Variants in CSMD1 observed in about 807,000 individuals in gnomAD.
The protein encoded by CSMD1 is CUB and sushi domain-containing protein 1.
In CSMD1, 213 loss-of-function variants were observed where a neutral mutation model predicts 417.5. That is an observed-to-expected ratio of 0.51 (90% CI 0.46 to 0.57). The LOEUF (loss-of-function observed/expected upper bound fraction) is 0.57. CSMD1 is among the 20% of genes least tolerant of loss of function. The pLI, the probability that CSMD1 is intolerant of heterozygous loss-of-function variation, is 0.00. For missense variants in CSMD1, 6,923 were observed against 4,529.7 expected, an observed-to-expected ratio of 1.53 and a Z score of -15.17; for synonymous variants, 2,862 against 1,736.8, an observed-to-expected ratio of 1.65 and a Z score of -16.11.
chr8:3,502,724 G>C (rs535175818), intron 10 of CSMD1, among the ~76,000 whole-genome samples: 2 of 152,292 alleles, frequency 1.3e-5, no homozygotes, highest in South Asian at 2.1e-4. Flanking sequence ...GGGATGAAGA[G>C]CAGGAGCACA....
chr8:3,416,302 C>CAAAAAAAAAAA (rs11358404), intron 12 of CSMD1, among the ~76,000 whole-genome samples: 1 of 58,896 alleles, frequency 1.7e-5, no homozygotes, highest in East Asian at 5.3e-4. Context: ...GACTCCGTCT[C>CAAAAAAAAAAA]AAAAAAAAAA....
intron 2 of CSMD1, among the ~76,000 whole-genome samples, chr8:4,625,696 C>T (rs1038221731): frequency 1.2e-4 from 19 of 152,132 alleles, no homozygotes; most frequent in East Asian, 3.9e-4. Context: ...TAATGATTAT[C>T]GTATCCGTAA....
At chr8:3,308,732 G>GTTTTTTTTTTTTTTTT (rs5888961) in intron 23 of CSMD1, among the ~76,000 whole-genome samples, 3 of 108,928 alleles carry the variant, frequency 2.8e-5, no homozygotes, top group African/African-American at 1.1e-4. Flanking sequence ...CTACTTACAA[G>GTTTTTTTTTTTTTTTT]TTTTTTTTTT....
chr8:4,729,396 G>C (rs888427107), intron 1 of CSMD1, among the ~76,000 whole-genome samples: 1 of 152,142 alleles, frequency 6.6e-6, no homozygotes, highest in Non-Finnish European at 1.5e-5. Context: ...AATGAAAAAA[G>C]GGGAAAAATA....
At chr8:4,457,759 C>T (rs12375370) in intron 2 of CSMD1, among the ~76,000 whole-genome samples, 4,044 of 152,234 alleles carry the variant, frequency 0.027, 188 homozygotes, top group African/African-American at 0.09. Context: ...CAGCATAGGA[C>T]ACCTCTTCAC....
intron 3 of CSMD1, among the ~76,000 whole-genome samples, chr8:4,309,918 A>C (rs917428286): frequency 1.3e-5 from 2 of 152,168 alleles, no homozygotes; most frequent in Non-Finnish European, 1.5e-5. Context: ...GTGATTTAAG[A>C]AGCTCATTAG....
intron 5 of CSMD1, among the ~76,000 whole-genome samples, chr8:3,861,812 C>G (rs1040236026): frequency 4.6e-5 from 7 of 152,096 alleles, no homozygotes; most frequent in Non-Finnish European, 8.8e-5. Flanking sequence ...CTAAGTGTGC[C>G]GATTACAGAT....
chr8:4,236,437 G>A (rs1046092659), intron 3 of CSMD1, among the ~76,000 whole-genome samples: 1 of 152,064 alleles, frequency 6.6e-6, no homozygotes, highest in Non-Finnish European at 1.5e-5. Context: ...CTACACCCCG[G>A]GTAACACTGT....
chr8:3,146,847 T>C (rs937734924), intron 40 of CSMD1, among the ~76,000 whole-genome samples: 1 of 152,122 alleles, frequency 6.6e-6, no homozygotes, highest in Non-Finnish European at 1.5e-5. Context: ...GCTCTGGGAG[T>C]AGAGTTAATC....
intron 7 of CSMD1, among the ~76,000 whole-genome samples, chr8:3,648,728 C>T (rs938174686): frequency 6.6e-6 from 1 of 152,158 alleles, no homozygotes; most frequent in Non-Finnish European, 1.5e-5. Flanking sequence ...ACAGAAGTTA[C>T]ATGGCTCATG....
intron 5 of CSMD1, among the ~76,000 whole-genome samples, chr8:3,981,498 A>G (rs1813861048): frequency 2.4e-5 from 2 of 84,428 alleles, no homozygotes; most frequent in Non-Finnish European, 4.7e-5. Flanking sequence ...TATAGAAAAA[A>G]GTAAAAAAAA....
chr8:4,360,252 C>T (rs922898185), intron 3 of CSMD1, among the ~76,000 whole-genome samples: 1 of 152,106 alleles, frequency 6.6e-6, no homozygotes, highest in Non-Finnish European at 1.5e-5. Flanking sequence ...TCCTGATGAA[C>T]ACACATCTAC....
At chr8:3,257,852 G>A (rs1487327923) in intron 26 of CSMD1, among the ~76,000 whole-genome samples, 2 of 152,108 alleles carry the variant, frequency 1.3e-5, no homozygotes, top group Non-Finnish European at 2.9e-5. Flanking sequence ...GGGACTTGGG[G>A]CTTGACTCAG....
intron 1 of CSMD1, among the ~76,000 whole-genome samples, chr8:4,646,274 A>G (rs149170147): frequency 6.6e-6 from 1 of 152,206 alleles, no homozygotes; most frequent in Non-Finnish European, 1.5e-5. Flanking sequence ...TATGTCAGGT[A>G]TTTATTTATC....
chr8:3,138,894 T>G (rs929649022), intron 41 of CSMD1, among the ~76,000 whole-genome samples: 1 of 152,102 alleles, frequency 6.6e-6, no homozygotes. Context: ...AAGGAATAAG[T>G]CCGGTCTGCC....
intron 12 of CSMD1, among the ~76,000 whole-genome samples, chr8:3,411,337 T>C (rs186692020): frequency 3.3e-5 from 5 of 151,336 alleles, no homozygotes; most frequent in African/African-American, 1.2e-4. Context: ...TGGGGTATTT[T>C]TTAGTAACCT....
At chr8:3,943,875 G>C (rs546355648) in intron 5 of CSMD1, among the ~76,000 whole-genome samples, 27 of 152,086 alleles carry the variant, frequency 1.8e-4, no homozygotes, top group African/African-American at 5.8e-4. Context: ...AAACGAAAGA[G>C]ACATGGCAGC....
At chr8:4,432,070 C>T (rs1032400966) in intron 2 of CSMD1, among the ~76,000 whole-genome samples, 3 of 151,938 alleles carry the variant, frequency 2.0e-5, no homozygotes, top group Non-Finnish European at 4.4e-5. Flanking sequence ...CTAAAACAGA[C>T]AGGATTAGAA....
At chr8:4,813,506 T>C (rs1169583009) in intron 1 of CSMD1, among the ~76,000 whole-genome samples, 1 of 152,228 alleles carries the variant, frequency 6.6e-6, no homozygotes. Flanking sequence ...GATTTGCTTT[T>C]TATCCTAAGC....
Sources: allele counts gnomAD v4.1 joint callset (sites outside exome capture counted in the v4.1 genomes callset), GRCh38; gene constraint gnomAD v4.1.1; transcripts MANE v1.5; gene names NCBI Gene and HGNC (gene_info 2026-07-23, HGNC 2026-07-21).